LSAMP: variants seen among roughly 807,000 people sequenced by gnomAD.
LSAMP encodes limbic system-associated membrane protein.
LSAMP carries 7 observed loss-of-function variants against 38.6 expected under a neutral mutation model. The observed-to-expected ratio is 0.18, with a 90% confidence interval of 0.10 to 0.34. LSAMP has a LOEUF of 0.34. LSAMP is among the 10% of genes least tolerant of loss of function. The pLI, the probability that LSAMP is intolerant of heterozygous loss-of-function variation, is 1.00. For missense variants in LSAMP, 313 were observed against 420.0 expected, an observed-to-expected ratio of 0.75 and a Z score of 2.23; for synonymous variants, 154 against 166.8, an observed-to-expected ratio of 0.92 and a Z score of 0.59.
intron 1 of LSAMP, among the ~76,000 whole-genome samples, chr3:116,442,332 A>AC (rs1048630316): frequency 2.6e-5 from 4 of 151,766 alleles, no homozygotes; most frequent in African/African-American, 9.7e-5. Flanking sequence ...TAAGAGAATT[A>AC]TTTTTTTCTC....
At chr3:115,932,952 T>C (rs1937605038) in intron 3 of LSAMP, among the ~76,000 whole-genome samples, 1 of 152,114 alleles carries the variant, frequency 6.6e-6, no homozygotes, top group Admixed American at 6.6e-5. Context: ...AGGTGGTGAC[T>C]TGGGTGTTAG....
chr3:116,352,144 T>C (rs888105023), intron 1 of LSAMP, among the ~76,000 whole-genome samples: 1 of 152,090 alleles, frequency 6.6e-6, no homozygotes. Context: ...TCTTATAAAA[T>C]GATTCCATGA....
At chr3:115,984,893 G>A (rs1170768169) in intron 3 of LSAMP, among the ~76,000 whole-genome samples, 2 of 152,174 alleles carry the variant, frequency 1.3e-5, no homozygotes, top group Admixed American at 6.5e-5. Context: ...AAACACAGAG[G>A]TGTAAGAGTG....
chr3:116,057,352 G>GTCTTTCACT (rs1399424718), intron 2 of LSAMP, among the ~76,000 whole-genome samples: 1 of 152,176 alleles, frequency 6.6e-6, no homozygotes, highest in Non-Finnish European at 1.5e-5. Context: ...ATGTAGAGTT[G>GTCTTTCACT]TCTTTCACTT....
intron 3 of LSAMP, among the ~76,000 whole-genome samples, chr3:115,870,402 T>C (rs964284184): frequency 1.3e-5 from 2 of 152,174 alleles, no homozygotes; most frequent in Admixed American, 1.3e-4. Context: ...TAGGCTCCAA[T>C]AAATTATTTT....
At chr3:116,140,055 G>A (rs1709336572) in intron 1 of LSAMP, among the ~76,000 whole-genome samples, 1 of 151,950 alleles carries the variant, frequency 6.6e-6, no homozygotes, top group Non-Finnish European at 1.5e-5. Flanking sequence ...AGACACAAAT[G>A]GTCCCTGAAC....
At chr3:116,254,457 G>C (rs1404117204) in intron 1 of LSAMP, among the ~76,000 whole-genome samples, 1 of 152,098 alleles carries the variant, frequency 6.6e-6, no homozygotes, top group East Asian at 1.9e-4. Context: ...AAGGAAGAAG[G>C]GAGAAGGAGG....
chr3:116,040,344 A>G (rs1179279165), intron 2 of LSAMP, among the ~76,000 whole-genome samples: 1 of 152,214 alleles, frequency 6.6e-6, no homozygotes, highest in Non-Finnish European at 1.5e-5. Flanking sequence ...CTGAAAGGAG[A>G]TGAAGGGAGG....
intron 3 of LSAMP, among the ~76,000 whole-genome samples, chr3:115,871,056 C>T (rs1936018792): frequency 6.6e-6 from 1 of 152,092 alleles, no homozygotes; most frequent in South Asian, 2.1e-4. Flanking sequence ...ATGGAGCTTT[C>T]AAATTACGGA....
chr3:115,985,711 G>A (rs1237568822), intron 3 of LSAMP, among the ~76,000 whole-genome samples: 4 of 152,164 alleles, frequency 2.6e-5, no homozygotes, highest in African/African-American at 9.7e-5. Flanking sequence ...GAGAAGCCCT[G>A]GGGCTTTTCT....
intron 3 of LSAMP, among the ~76,000 whole-genome samples, chr3:115,945,941 A>G (rs193117767): frequency 5.7e-4 from 87 of 152,312 alleles, no homozygotes; most frequent in African/African-American, 2.0e-3. Flanking sequence ...GTTTTTAAAT[A>G]CAATAAGAGT....
intron 1 of LSAMP, among the ~76,000 whole-genome samples, chr3:116,270,573 TG>T (rs1468130579): frequency 2.6e-5 from 4 of 152,230 alleles, no homozygotes; most frequent in Admixed American, 2.0e-4. Context: ...TTGGTTATGT[TG>T]ATCTCAATTA....
intron 6 of LSAMP, among the ~76,000 whole-genome samples, chr3:115,826,804 C>T (rs1053222707): frequency 2.6e-5 from 4 of 151,950 alleles, no homozygotes; most frequent in East Asian, 1.9e-4. Flanking sequence ...GAAAAGAAAA[C>T]GTGACCTCTA....
chr3:115,842,328 T>A (rs1479449363), intron 5 of LSAMP, 130 bp downstream of exon 5: 4 of 1,259,686 alleles, frequency 3.2e-6, no homozygotes, highest in Non-Finnish European at 4.3e-6. Context: ...TAAGAGATAC[T>A]AAAAAGGAAG....
At chr3:116,408,598 T>C (rs992631359) in intron 1 of LSAMP, among the ~76,000 whole-genome samples, 15 of 152,028 alleles carry the variant, frequency 9.9e-5, no homozygotes, top group African/African-American at 3.4e-4. Flanking sequence ...AGAGTAAAAA[T>C]AGGCATGTAA....
At chr3:116,044,273 C>T (rs1941242372) in intron 2 of LSAMP, among the ~76,000 whole-genome samples, 1 of 152,152 alleles carries the variant, frequency 6.6e-6, no homozygotes, top group African/African-American at 2.4e-5. Context: ...AGCGTTATTT[C>T]CCCTTGCCCA....
At chr3:115,849,064 CAG>C (rs982510903) in intron 4 of LSAMP, among the ~76,000 whole-genome samples, 1 of 152,144 alleles carries the variant, frequency 6.6e-6, no homozygotes. Flanking sequence ...AATGAAAGAA[CAG>C]AGTGTCCCTA....
At chr3:115,847,266 G>A (rs1020222931) in intron 4 of LSAMP, among the ~76,000 whole-genome samples, 1 of 152,092 alleles carries the variant, frequency 6.6e-6, no homozygotes, top group African/African-American at 2.4e-5. Flanking sequence ...TCTCCCATGG[G>A]TAGTGTGCAG....
At chr3:115,945,470 G>A (rs1938064723) in intron 3 of LSAMP, among the ~76,000 whole-genome samples, 2 of 152,080 alleles carry the variant, frequency 1.3e-5, no homozygotes, top group African/African-American at 2.4e-5. Flanking sequence ...TATTGTAAAG[G>A]GGTGAGAAAT....
Sources: allele counts gnomAD v4.1 joint callset (sites outside exome capture counted in the v4.1 genomes callset), GRCh38; gene constraint gnomAD v4.1.1; transcripts MANE v1.5; gene names NCBI Gene and HGNC (gene_info 2026-07-23, HGNC 2026-07-21).